The following LGR4 variants were observed in gnomAD, a reference collection of about 807,000 sequenced individuals.
LGR4 encodes the protein leucine-rich repeat-containing G protein-coupled receptor 4.
In LGR4, 44 loss-of-function variants were observed where a neutral mutation model predicts 84.8. That is an observed-to-expected ratio of 0.52 (90% CI 0.41 to 0.67). The LOEUF (loss-of-function observed/expected upper bound fraction) is 0.67, where lower values mean the gene tolerates loss of function less well. Among genes scored for constraint, LGR4 ranks in the 30% least tolerant of loss-of-function variants. The probability of loss-of-function intolerance (pLI) is 0.00; values close to 1 mark genes in which losing one functional copy is unlikely to be tolerated. For missense variants in LGR4, 1,032 were observed against 1,131.4 expected (o/e 0.91, Z 1.26); for synonymous variants, 429 against 434.3 (o/e 0.99, Z 0.15).
At chr11:27,426,459 A>G (rs372972723) in intron 1 of LGR4, among the ~76,000 whole-genome samples, 4 of 152,350 alleles carry the variant, frequency 2.6e-5, no homozygotes, top group African/African-American at 9.6e-5. Flanking sequence ...ATCTCACAGA[A>G]CCACTGAACT....
At chr11:27,396,004 G>A (rs1863385463) in intron 2 of LGR4, among the ~76,000 whole-genome samples, 1 of 152,204 alleles carries the variant, frequency 6.6e-6, no homozygotes, top group African/African-American at 2.4e-5. Context: ...TACAGTAGTT[G>A]CAGACACTGT....
chr11:27,380,531 GA>G lies in LGR4; in HGVS notation c.902+108del, dbSNP rs1590347847. 4.6e-6 allele frequency: 4 copies of G among 868,016 alleles called. No homozygotes were observed. In the East Asian group the frequency reaches 1.0e-4, roughly 23 times the overall value. 53.8% of individuals were successfully genotyped at this position (868,016 alleles called of 1,614,324 possible). On this transcript the variant is annotated intron_variant, in intron 9 of 17. Coordinates refer to ENST00000379214, the MANE Select transcript of LGR4 (RefSeq NM_018490.5). ...ACAATTATAAATTCTGCCCAAGGGA[GA>G]AAAAAATTTTAAAGATTTTGTTTTC...
chr11:27,411,376 T>C (rs1019692110), intron 2 of LGR4, among the ~76,000 whole-genome samples: 4 of 151,566 alleles, frequency 2.6e-5, no homozygotes, highest in African/African-American at 9.7e-5. Flanking sequence ...AAATAATTAA[T>C]GTTCACTATA....
In LGR4 at chr11:27,393,579, C is replaced by A. The variant is rs1863325596; in HGVS notation, c.258-1061G>T. Among the ~76,000 whole-genome samples, 3 of 151,998 alleles carry A rather than the reference C, an allele frequency of 2.0e-5. No individual in the cohort carries two copies. In the South Asian group the frequency reaches 6.2e-4, roughly 32 times the overall value. On this transcript the variant is annotated intron_variant, in intron 2 of 17. Coordinates refer to ENST00000379214, the MANE Select transcript of LGR4 (RefSeq NM_018490.5). ...ATATAAAACTTAACATTTATAATCC[C>A]TCCTTTAAAAGGTATGTATTTCCAC...
intron 1 of LGR4, among the ~76,000 whole-genome samples, chr11:27,446,068 A>G (rs926234728): frequency 6.6e-6 from 1 of 152,226 alleles, no homozygotes; most frequent in Non-Finnish European, 1.5e-5. Context: ...AACCAAGGGA[A>G]GAACTAAAAA....
intron 6 of LGR4, among the ~76,000 whole-genome samples, chr11:27,382,672 A>G (rs1863118411): frequency 6.6e-6 from 1 of 152,196 alleles, no homozygotes; most frequent in Non-Finnish European, 1.5e-5. Flanking sequence ...AAATTCTGGT[A>G]TAAGAGCAGC....
intron 2 of LGR4, among the ~76,000 whole-genome samples, chr11:27,407,084 T>C (rs946050754): frequency 6.6e-6 from 1 of 152,182 alleles, no homozygotes; most frequent in African/African-American, 2.4e-5. Flanking sequence ...CTTAGTTACA[T>C]ACTAACTGTG....
chr11:27,399,673 C>T (rs568591310), intron 2 of LGR4, among the ~76,000 whole-genome samples: 52 of 152,136 alleles, frequency 3.4e-4, no homozygotes, highest in Middle Eastern at 3.4e-3. Context: ...GCGCCCACCA[C>T]CATGCCCAGC....
chr11:27,449,532 T>C (rs935484148), intron 1 of LGR4, among the ~76,000 whole-genome samples: 4 of 151,634 alleles, frequency 2.6e-5, no homozygotes, highest in African/African-American at 9.7e-5. Flanking sequence ...CAGTGACCCA[T>C]GATCACGCCA....
At chr11:27,467,385 G>C (rs1864796888) in intron 1 of LGR4, among the ~76,000 whole-genome samples, 1 of 151,926 alleles carries the variant, frequency 6.6e-6, no homozygotes, top group Non-Finnish European at 1.5e-5. Context: ...GGCCAAGATG[G>C]TAAAACCCCG....
At chr11:27,380,787 T>C in intron 8 of LGR4, 76 bp from the exon 9 acceptor site, 1 of 1,204,258 alleles carries the variant, frequency 8.3e-7, no homozygotes, top group East Asian at 2.3e-5. Flanking sequence ...GTTCACAATG[T>C]ACATATATCT....
intron 2 of LGR4, among the ~76,000 whole-genome samples, chr11:27,395,498 AC>A (rs1363957423): frequency 6.6e-6 from 1 of 152,216 alleles, no homozygotes; most frequent in Non-Finnish European, 1.5e-5. Flanking sequence ...CGTTTTATAA[AC>A]CATGAGAAAA....
chr11:27,372,643 T>G (rs1025608997), intron 15 of LGR4, among the ~76,000 whole-genome samples: 2 of 152,176 alleles, frequency 1.3e-5, no homozygotes, highest in African/African-American at 4.8e-5. Context: ...TGGATGTAAA[T>G]CAAACTGTTT....
At chr11:27,456,483 G>T (rs1191014504) in intron 1 of LGR4, among the ~76,000 whole-genome samples, 1 of 152,202 alleles carries the variant, frequency 6.6e-6, no homozygotes, top group Admixed American at 6.5e-5. Flanking sequence ...GTGAGTGAAA[G>T]GGGGCAGCTA....
intron 2 of LGR4, among the ~76,000 whole-genome samples, chr11:27,400,734 T>A (rs1175457549): frequency 6.6e-6 from 1 of 152,126 alleles, no homozygotes; most frequent in East Asian, 1.9e-4. Flanking sequence ...TGACCTCAAA[T>A]GATCCACCCA....
intron 4 of LGR4, 39 bp from the exon 5 acceptor site, chr11:27,385,507 C>A: frequency 1.5e-6 from 2 of 1,354,542 alleles, no homozygotes; most frequent in South Asian, 1.3e-5. Context: ...GTAACAAATT[C>A]TAGTGAAATG....
intron 13 of LGR4, 78 bp from the exon 14 acceptor site, chr11:27,374,124 T>C: frequency 2.2e-6 from 2 of 902,364 alleles, no homozygotes; most frequent in Non-Finnish European, 3.7e-6. Flanking sequence ...ACTTTAGAAT[T>C]AGAGGTAGTA....
At chr11:27,411,923 T>C (rs1863718622) in intron 2 of LGR4, among the ~76,000 whole-genome samples, 1 of 152,106 alleles carries the variant, frequency 6.6e-6, no homozygotes, top group South Asian at 2.1e-4. Context: ...ATCTGTAATA[T>C]GAATTTAGAT....
Position 27,369,178 on chromosome 11 carries a change from AG to A in LGR4, c.1580-36del. 2.0e-6 allele frequency: 3 copies of A among 1,477,562 alleles called. No homozygotes were observed. In the Admixed American group the frequency reaches 6.7e-5, roughly 33 times the overall value. The allele number at this position is 1,477,562 out of a possible 1,614,324, so 91.5% of individuals were successfully genotyped here. Reference sequence around the variant, plus strand: ...ACACACACAGAGAGAGAGAAATAAAAGATAACTTAGAAAACAATTTAGAAAA... The same window carrying A: ...ACACACACAGAGAGAGAGAAATAAAAATAACTTAGAAAACAATTTAGAAAA... On this transcript the variant is annotated intron_variant, in intron 17 of 17. Transcript: ENST00000379214.
Sources: allele counts gnomAD v4.1 joint callset (sites outside exome capture counted in the v4.1 genomes callset), GRCh38; gene constraint gnomAD v4.1.1; transcripts MANE v1.5; gene names NCBI Gene and HGNC (gene_info 2026-07-23, HGNC 2026-07-21).